Variants in CTNNA3 observed in about 807,000 individuals in gnomAD.
The protein encoded by CTNNA3 is catenin alpha 3.
A neutral mutation model predicts 95.7 loss-of-function variants in CTNNA3; 76 were observed. The observed-to-expected ratio is 0.79, with a 90% CI of 0.66 to 0.96. The LOEUF is 0.96. Ranked by LOEUF, CTNNA3 falls within the 40% of genes least tolerant of loss-of-function variation. The pLI is 0.00. For synonymous variants in CTNNA3, 431 were observed against 374.4 expected, an observed-to-expected ratio of 1.15 and a Z score of -1.74; for missense variants, 1,191 against 1,089.8, an observed-to-expected ratio of 1.09 and a Z score of -1.31.
chr10:66,899,242 C>A (rs1245413187), intron 7 of CTNNA3, among the ~76,000 whole-genome samples: 1 of 152,156 alleles, frequency 6.6e-6, no homozygotes, highest in African/African-American at 2.4e-5. Context: ...GAACCTGGAA[C>A]CTTTGTCCAC....
intron 13 of CTNNA3, among the ~76,000 whole-genome samples, chr10:66,226,326 T>G (rs2089285596): frequency 6.6e-6 from 1 of 152,162 alleles, no homozygotes; most frequent in Admixed American, 6.5e-5. Context: ...TCCCAATGCC[T>G]ATTCTTTGCA....
chr10:67,632,964 G>A (rs543768353), intron 2 of CTNNA3, among the ~76,000 whole-genome samples: 1 of 152,316 alleles, frequency 6.6e-6, no homozygotes, highest in East Asian at 1.9e-4. Flanking sequence ...AATGGCAACA[G>A]GCTGAGATGA....
intron 15 of CTNNA3, among the ~76,000 whole-genome samples, chr10:65,989,573 T>A (rs2078496726): frequency 6.6e-6 from 1 of 151,596 alleles, no homozygotes; most frequent in Admixed American, 6.6e-5. Flanking sequence ...TTAGTTACTT[T>A]AAAAAAATTT....
At chr10:67,712,952 G>C (rs138100985) in intron 1 of CTNNA3, among the ~76,000 whole-genome samples, 2,506 of 152,216 alleles carry the variant, frequency 0.016, 72 homozygotes, top group African/African-American at 0.057. Flanking sequence ...TTAAACTAAA[G>C]AGCTTCTGCA....
rs186962319 is a variant in CTNNA3, at chr10:67,271,637, A to G, written c.580-51767T>C. Among the ~76,000 whole-genome samples the G allele has an allele frequency of 7.2e-5, 11 of 152,300 alleles. No homozygotes were observed. The East Asian group carries it at 1.4e-3, about 19-fold the overall frequency. ...CCCAAACAAGGCCTCCTCTCTGTCA[A>G]TTGTCCTTAATCTGAACTCAGTTTT... On this transcript the variant is annotated intron_variant, in intron 5 of 17. Coordinates refer to ENST00000433211, the MANE Select transcript of CTNNA3 (RefSeq NM_013266.4).
chr10:66,129,966 C>T (rs1043900439), intron 13 of CTNNA3, among the ~76,000 whole-genome samples: 10 of 152,252 alleles, frequency 6.6e-5, no homozygotes, highest in Non-Finnish European at 1.3e-4. Context: ...CCCCACCACC[C>T]TTCTCCCCAC....
rs528482787 is a variant in CTNNA3, at chr10:67,236,906, AT to A, written c.580-17037del. On this transcript the variant is annotated intron_variant, in intron 5 of 17. Coordinates refer to ENST00000433211, the MANE Select transcript of CTNNA3 (RefSeq NM_013266.4). ...GGGAATGTAAACTAGTACAGCCACT[AT>A]GGAAAACAGGGTGGATCTTACTTAA... Among the ~76,000 whole-genome samples the A allele has an allele frequency of 3.0e-3, 458 of 151,274 alleles. 3 individuals carry two copies. The highest frequency in any genetic ancestry group is 0.01 in the African/African-American group (415 of 41,426).
At chr10:67,684,605 G>A (rs1259881717) in intron 1 of CTNNA3, among the ~76,000 whole-genome samples, 1 of 152,150 alleles carries the variant, frequency 6.6e-6, no homozygotes, top group Non-Finnish European at 1.5e-5. Context: ...GGCAAAGAAG[G>A]GGCCTGCCCT....
chr10:66,604,730 T>C (rs1390114600), intron 10 of CTNNA3, among the ~76,000 whole-genome samples: 1 of 149,618 alleles, frequency 6.7e-6, no homozygotes, highest in Admixed American at 6.7e-5. Flanking sequence ...CAAAGCCAGT[T>C]GGCAGAATTC....
At chr10:66,151,242 A>G (rs1383548160) in intron 13 of CTNNA3, among the ~76,000 whole-genome samples, 1 of 152,026 alleles carries the variant, frequency 6.6e-6, no homozygotes, top group Non-Finnish European at 1.5e-5. Context: ...CAACTTATGA[A>G]GGACTGGTTA....
chr10:66,377,834 A>G (rs1223096881), intron 12 of CTNNA3, among the ~76,000 whole-genome samples: 3 of 152,146 alleles, frequency 2.0e-5, no homozygotes, highest in Non-Finnish European at 2.9e-5. Flanking sequence ...AAACAAGTAA[A>G]TATATTGCCA....
chr10:67,067,157 G>C (rs1856142657), intron 7 of CTNNA3, among the ~76,000 whole-genome samples: 1 of 152,072 alleles, frequency 6.6e-6, no homozygotes, highest in Non-Finnish European at 1.5e-5. Flanking sequence ...TATGACATAA[G>C]CATGTCATAT....
At chr10:66,271,706 T>G (rs558950713) in intron 13 of CTNNA3, among the ~76,000 whole-genome samples, 1 of 152,158 alleles carries the variant, frequency 6.6e-6, no homozygotes, top group Non-Finnish European at 1.5e-5. Flanking sequence ...GCTGCACTTG[T>G]GTAGAGCTCT....
intron 5 of CTNNA3, among the ~76,000 whole-genome samples, chr10:67,490,335 C>G (rs777335849): frequency 6.6e-6 from 1 of 152,004 alleles, no homozygotes; most frequent in African/African-American, 2.4e-5. Flanking sequence ...CATTTATGAT[C>G]GAATTCTGGA....
intron 11 of CTNNA3, among the ~76,000 whole-genome samples, chr10:66,398,600 C>T (rs16922971): frequency 0.017 from 2,527 of 151,728 alleles, 66 homozygotes; most frequent in African/African-American, 0.058. Context: ...GGTAACATGA[C>T]GGCAAAAACA....
At chr10:66,328,931 T>TATATATATATATAC (rs1410607908) in intron 12 of CTNNA3, among the ~76,000 whole-genome samples, 1 of 119,972 alleles carries the variant, frequency 8.3e-6, no homozygotes, top group East Asian at 2.3e-4. Context: ...TATATATATA[T>TATATATATATATAC]ATACACACAC....
At chr10:66,706,131 A>T (rs1848108608) in intron 9 of CTNNA3, among the ~76,000 whole-genome samples, 1 of 152,040 alleles carries the variant, frequency 6.6e-6, no homozygotes, top group African/African-American at 2.4e-5. Flanking sequence ...TGCAGTAGAA[A>T]CAAGAACATC....
chr10:67,390,403 G>A (rs1449161867), intron 5 of CTNNA3, among the ~76,000 whole-genome samples: 1 of 152,156 alleles, frequency 6.6e-6, no homozygotes, highest in Non-Finnish European at 1.5e-5. Flanking sequence ...TGAAATTGTG[G>A]CAATAATCAA....
At chr10:67,009,035 T>A (rs1483741899) in intron 7 of CTNNA3, among the ~76,000 whole-genome samples, 1 of 152,188 alleles carries the variant, frequency 6.6e-6, no homozygotes, top group Non-Finnish European at 1.5e-5. Flanking sequence ...TGGTATTTAA[T>A]AAACCTGTGG....
Sources: allele counts gnomAD v4.1 joint callset (sites outside exome capture counted in the v4.1 genomes callset), GRCh38; gene constraint gnomAD v4.1.1; transcripts MANE v1.5; gene names NCBI Gene and HGNC (gene_info 2026-07-23, HGNC 2026-07-21).